NRG1: variants seen among roughly 807,000 people sequenced by gnomAD.
NRG1 encodes neuregulin 1.
NRG1 carries 18 observed loss-of-function variants against 63.8 expected under a neutral mutation model. The observed-to-expected ratio is 0.28, with a 90% CI of 0.19 to 0.42. The LOEUF (loss-of-function observed/expected upper bound fraction) is 0.42. Among genes scored for constraint, NRG1 ranks in the 10% least tolerant of loss-of-function variants. The pLI is 1.00. For synonymous variants in NRG1, 302 were observed against 301.3 expected (o/e 1.00, Z -0.02); for missense variants, 762 against 814.7 (o/e 0.94, Z 0.79).
intron 5 of NRG1, among the ~76,000 whole-genome samples, chr8:32,712,122 A>G (rs1052007595): frequency 1.3e-5 from 2 of 152,168 alleles, no homozygotes; most frequent in African/African-American, 2.4e-5. Flanking sequence ...TGTAGAAACC[A>G]TATCCCAAAC....
chr8:31,914,339 T>A (rs1360946032), intron 1 of NRG1, among the ~76,000 whole-genome samples: 1 of 152,054 alleles, frequency 6.6e-6, no homozygotes, highest in African/African-American at 2.4e-5. Context: ...GTTAAAATCC[T>A]GTGCAGCTTT....
intron 5 of NRG1, among the ~76,000 whole-genome samples, chr8:32,641,789 A>G (rs941123826): frequency 2.0e-5 from 3 of 152,342 alleles, no homozygotes; most frequent in Admixed American, 2.0e-4. Flanking sequence ...TTCACTGGGT[A>G]AGAATAATCA....
chr8:32,380,247 G>A (rs535793893), intron 1 of NRG1, among the ~76,000 whole-genome samples: 6 of 151,718 alleles, frequency 4.0e-5, no homozygotes, highest in Non-Finnish European at 8.8e-5. Context: ...ATATATCCTC[G>A]GTCTTCCTCT....
chr8:32,572,414 A>G (rs1295480844), intron 1 of NRG1, among the ~76,000 whole-genome samples: 1 of 152,132 alleles, frequency 6.6e-6, no homozygotes, highest in Non-Finnish European at 1.5e-5. Context: ...AATTTCTTCT[A>G]TTGTTACTAT....
chr8:32,586,185 AT>A, intron 1 of NRG1, among the ~76,000 whole-genome samples: 1 of 145,568 alleles, frequency 6.9e-6, no homozygotes, highest in East Asian at 2.0e-4. Context: ...TATATATATA[AT>A]GTGTATATGT....
chr8:32,265,021 A>AT (rs1260157503), intron 1 of NRG1, among the ~76,000 whole-genome samples: 5 of 152,044 alleles, frequency 3.3e-5, no homozygotes, highest in African/African-American at 7.2e-5. Flanking sequence ...TGACGATGAC[A>AT]TTTTTTTTCC....
At chr8:31,817,205 T>G (rs957683248) in intron 1 of NRG1, among the ~76,000 whole-genome samples, 1 of 152,214 alleles carries the variant, frequency 6.6e-6, no homozygotes, top group African/African-American at 2.4e-5. Flanking sequence ...TCTGCATTAG[T>G]GCACCTAAGA....
chr8:32,140,358 A>C (rs1443506949), intron 1 of NRG1, among the ~76,000 whole-genome samples: 1 of 151,720 alleles, frequency 6.6e-6, no homozygotes, highest in African/African-American at 2.4e-5. Flanking sequence ...GATAATATAA[A>C]TTCTCCCTTT....
chr8:32,591,934 A>G (rs1349540591), intron 1 of NRG1, among the ~76,000 whole-genome samples: 1 of 152,008 alleles, frequency 6.6e-6, no homozygotes, highest in African/African-American at 2.4e-5. Flanking sequence ...TACCCCCTGC[A>G]CCTAATATAA....
intron 1 of NRG1, among the ~76,000 whole-genome samples, chr8:31,809,080 C>A (rs1822577095): frequency 1.3e-5 from 2 of 151,860 alleles, no homozygotes; most frequent in Admixed American, 6.6e-5. Flanking sequence ...TGAAGACATT[C>A]AATATTTGTT....
intron 1 of NRG1, among the ~76,000 whole-genome samples, chr8:31,748,770 T>A (rs1319506999): frequency 6.6e-6 from 1 of 151,802 alleles, no homozygotes; most frequent in African/African-American, 2.4e-5. Flanking sequence ...TCCTTTCACT[T>A]TCATCTATTT....
exon 2 of NRG1, chr8:32,596,005 G>A (rs1188246088): frequency 3.7e-6 from 6 of 1,611,292 alleles, no homozygotes; most frequent in Non-Finnish European, 5.1e-6. Context: ...AAAAAGCCAG[G>A]GTAAGTATAA....
chr8:32,670,534 C>T (rs1805369117), intron 5 of NRG1, among the ~76,000 whole-genome samples: 1 of 152,124 alleles, frequency 6.6e-6, no homozygotes, highest in Non-Finnish European at 1.5e-5. Flanking sequence ...CACACCTCCT[C>T]CCATCAAAGC....
chr8:31,774,758 A>G (rs1818954991), intron 1 of NRG1, among the ~76,000 whole-genome samples: 2 of 152,204 alleles, frequency 1.3e-5, no homozygotes, highest in African/African-American at 2.4e-5. Context: ...AATCCCATTA[A>G]AAGGGGGCTT....
intron 1 of NRG1, among the ~76,000 whole-genome samples, chr8:32,409,797 T>G (rs1814630483): frequency 1.3e-5 from 2 of 152,196 alleles, no homozygotes; most frequent in South Asian, 4.1e-4. Context: ...GTGATGACAT[T>G]GACTCTCTTC....
At chr8:32,464,655 T>C (rs1382194484) in intron 1 of NRG1, among the ~76,000 whole-genome samples, 2 of 152,196 alleles carry the variant, frequency 1.3e-5, no homozygotes, top group African/African-American at 4.8e-5. Context: ...ATCTGAATCT[T>C]CCCAGACCGT....
intron 1 of NRG1, among the ~76,000 whole-genome samples, chr8:32,291,533 C>CTT (rs757839225): frequency 0.031 from 3,077 of 97,882 alleles, 62 homozygotes; most frequent in African/African-American, 0.042. Context: ...TTTTTATCCA[C>CTT]TTTTTTTTTT....
chr8:32,035,139 T>C (rs1302700555), intron 1 of NRG1, among the ~76,000 whole-genome samples: 1 of 152,088 alleles, frequency 6.6e-6, no homozygotes. Context: ...TATTCTGATA[T>C]GTTGTCTGTT....
chr8:32,153,194 G>A (rs1376961678), intron 1 of NRG1, among the ~76,000 whole-genome samples: 1 of 152,136 alleles, frequency 6.6e-6, no homozygotes, highest in Non-Finnish European at 1.5e-5. Context: ...CAGAAGGCCG[G>A]TGGGAGTAGG....
Sources: allele counts gnomAD v4.1 joint callset (sites outside exome capture counted in the v4.1 genomes callset), GRCh38; gene constraint gnomAD v4.1.1; transcripts MANE v1.5; gene names NCBI Gene and HGNC (gene_info 2026-07-23, HGNC 2026-07-21).